Variants in SH3GL2 observed in about 807,000 individuals in gnomAD.
SH3GL2 encodes endophilin-A1.
In SH3GL2, 24 loss-of-function variants were observed where a neutral mutation model predicts 46.0. That is an observed-to-expected ratio of 0.52 (90% CI 0.38 to 0.73). SH3GL2 has a LOEUF of 0.73. Ranked by LOEUF, SH3GL2 falls within the 30% of genes least tolerant of loss-of-function variation. The probability of loss-of-function intolerance (pLI) is 0.00; values close to 1 mark genes in which losing one functional copy is unlikely to be tolerated. For missense variants in SH3GL2, 413 were observed against 424.2 expected (o/e 0.97, Z 0.23); for synonymous variants, 196 against 147.1 (o/e 1.33, Z -2.40).
intron 1 of SH3GL2, among the ~76,000 whole-genome samples, chr9:17,597,176 G>A (rs1341881375): frequency 6.6e-6 from 1 of 152,134 alleles, no homozygotes; most frequent in Non-Finnish European, 1.5e-5. Context: ...GTTTTTATTT[G>A]CTGCAAAACT....
chr9:17,619,816 A>G (rs7870131), intron 1 of SH3GL2, among the ~76,000 whole-genome samples: 3,468 of 152,310 alleles, frequency 0.023, 133 homozygotes, highest in African/African-American at 0.079. Flanking sequence ...ACTTATCCAT[A>G]TCTGATTATT....
intron 1 of SH3GL2, among the ~76,000 whole-genome samples, chr9:17,692,881 G>C (rs957417530): frequency 3.9e-5 from 6 of 152,034 alleles, no homozygotes; most frequent in African/African-American, 1.4e-4. Context: ...GGTGGCAAGA[G>C]AAAAATGAGG....
At chr9:17,751,862 G>T (rs948095264) in intron 2 of SH3GL2, among the ~76,000 whole-genome samples, 4 of 152,088 alleles carry the variant, frequency 2.6e-5, no homozygotes, top group African/African-American at 9.7e-5. Flanking sequence ...CACCCCCCCG[G>T]TGTGGGGATG....
intron 1 of SH3GL2, among the ~76,000 whole-genome samples, chr9:17,641,944 G>C (rs1415719263): frequency 6.6e-6 from 1 of 152,034 alleles, no homozygotes; most frequent in East Asian, 1.9e-4. Flanking sequence ...ATAATCCTTT[G>C]GGTATATACC....
intron 1 of SH3GL2, among the ~76,000 whole-genome samples, chr9:17,698,562 T>A (rs1430720614): frequency 1.3e-5 from 2 of 152,102 alleles, no homozygotes; most frequent in Non-Finnish European, 2.9e-5. Context: ...GGATGTAATA[T>A]GAAGAGATAA....
chr9:17,650,398 G>A (rs1819926190), intron 1 of SH3GL2, among the ~76,000 whole-genome samples: 1 of 152,210 alleles, frequency 6.6e-6, no homozygotes, highest in African/African-American at 2.4e-5. Context: ...TTAAGACGGA[G>A]TCTCGCTCTG....
intron 1 of SH3GL2, among the ~76,000 whole-genome samples, chr9:17,592,599 A>C (rs1818504449): frequency 6.6e-6 from 1 of 152,202 alleles, no homozygotes; most frequent in Admixed American, 6.5e-5. Context: ...TAGATATTCT[A>C]ACAATACCCT....
intron 1 of SH3GL2, among the ~76,000 whole-genome samples, chr9:17,728,730 G>C (rs750635295): frequency 4.6e-5 from 7 of 152,020 alleles, no homozygotes; most frequent in Non-Finnish European, 8.8e-5. Context: ...GCAGTGTTTG[G>C]TTTTCTGTTC....
chr9:17,795,824 C>A lies in SH3GL2; in HGVS notation c.*81C>A. Reference sequence around the variant, plus strand: ...TGCTTTGGCAATGCTGCTTATAACACATCCCAAGTGCAGGCCGCAGTGGTC... The same window carrying A: ...TGCTTTGGCAATGCTGCTTATAACAAATCCCAAGTGCAGGCCGCAGTGGTC... On this transcript the variant is annotated 3_prime_UTR_variant, in exon 9 of 9. Transcript: ENST00000380607. 8.5e-7 allele frequency: 1 copy of A among 1,169,794 alleles called. No homozygotes were observed. The highest frequency in any genetic ancestry group is 1.2e-6 in the Non-Finnish European group (1 of 807,458). 72.5% of individuals were successfully genotyped at this position (1,169,794 alleles called of 1,614,324 possible).
intron 1 of SH3GL2, among the ~76,000 whole-genome samples, chr9:17,655,656 G>A (rs1820056450): frequency 6.6e-6 from 1 of 152,178 alleles, no homozygotes; most frequent in African/African-American, 2.4e-5. Flanking sequence ...GGTGGTTGAA[G>A]AACCTTTTCT....
Position 17,610,039 on chromosome 9 carries a change from A to C in SH3GL2, c.45+30752A>C, listed in dbSNP as rs535911631. Among the ~76,000 whole-genome samples, 166 of 152,230 alleles carry C rather than the reference A, an allele frequency of 1.1e-3. 2 individuals are homozygous for C. The highest frequency in any genetic ancestry group is 3.8e-3 in the African/African-American group (157 of 41,564). Reference sequence around the variant, plus strand: ...GTACCACCAAATCCTATTTTTCCTAAATCGGTCAATGTATTGTCATATCCC... The same window carrying C: ...GTACCACCAAATCCTATTTTTCCTACATCGGTCAATGTATTGTCATATCCC... On this transcript the variant is annotated intron_variant, in intron 1 of 8. Transcript: ENST00000380607.
rs375306476 is a variant in SH3GL2, at chr9:17,685,171, A to C, written c.46-61895A>C. Among the ~76,000 whole-genome samples, 40 of 152,098 alleles carry C rather than the reference A, an allele frequency of 2.6e-4. 2 individuals are homozygous for C. In the East Asian group the frequency reaches 5.2e-3, roughly 20 times the overall value. ...TGGGTATATGTATATTTATGAGTGGATGGAATCAAGAGATTTATTTCAAGG... is the reference window on the plus strand; with the variant it reads ...TGGGTATATGTATATTTATGAGTGGCTGGAATCAAGAGATTTATTTCAAGG... On this transcript the variant is annotated intron_variant, in intron 1 of 8. Coordinates refer to ENST00000380607, the MANE Select transcript of SH3GL2 (RefSeq NM_003026.5).
chr9:17,745,492 G>A (rs984701535), intron 1 of SH3GL2, among the ~76,000 whole-genome samples: 3 of 152,138 alleles, frequency 2.0e-5, no homozygotes, highest in African/African-American at 7.2e-5. Flanking sequence ...GTCAGTCCAT[G>A]TCATGCTCTT....
At chr9:17,653,246 T>C (rs991071643) in intron 1 of SH3GL2, among the ~76,000 whole-genome samples, 9 of 152,166 alleles carry the variant, frequency 5.9e-5, no homozygotes, top group Non-Finnish European at 1.0e-4. Flanking sequence ...GCTGTTTTCT[T>C]TTCTACCTTC....
intron 1 of SH3GL2, among the ~76,000 whole-genome samples, chr9:17,638,400 G>A (rs1212198109): frequency 6.6e-6 from 1 of 152,130 alleles, no homozygotes; most frequent in Non-Finnish European, 1.5e-5. Flanking sequence ...AACGTTTTGG[G>A]TTGATCTACC....
chr9:17,776,445 T>G (rs1421428881), intron 3 of SH3GL2, among the ~76,000 whole-genome samples: 1 of 152,032 alleles, frequency 6.6e-6, no homozygotes, highest in Non-Finnish European at 1.5e-5. Flanking sequence ...AGAAAAAGAA[T>G]CTCAGGGGCT....
At chr9:17,751,359 G>C (rs76867417) in intron 2 of SH3GL2, among the ~76,000 whole-genome samples, 1 of 152,128 alleles carries the variant, frequency 6.6e-6, no homozygotes, top group Non-Finnish European at 1.5e-5. Context: ...TTTCTATCCA[G>C]CCCAAGTGGT....
At chr9:17,713,436 T>G (rs75131647) in intron 1 of SH3GL2, among the ~76,000 whole-genome samples, 9,962 of 151,194 alleles carry the variant, frequency 0.066, 478 homozygotes, top group Admixed American at 0.14. Flanking sequence ...ATTTCCTTTC[T>G]TCTGCTTGCT....
At chr9:17,765,450 A>G (rs1199121764) in intron 3 of SH3GL2, among the ~76,000 whole-genome samples, 1 of 152,224 alleles carries the variant, frequency 6.6e-6, no homozygotes, top group Non-Finnish European at 1.5e-5. Context: ...TTAGCTTTTA[A>G]GAATACATGG....
Sources: gnomAD v4.1 joint callset for allele counts (sites outside exome capture counted in the v4.1 genomes callset) on GRCh38, gnomAD v4.1.1 for gene constraint, MANE v1.5 for transcripts, NCBI Gene and HGNC (gene_info 2026-07-23, HGNC 2026-07-21) for gene names.